The following ADARB1 variants were observed in gnomAD, a reference collection of about 807,000 sequenced individuals.
ADARB1 encodes double-stranded RNA-specific editase 1.
A neutral mutation model predicts 52.4 loss-of-function variants in ADARB1; 10 were observed. The observed-to-expected ratio is 0.19, with a 90% CI of 0.12 to 0.32. The LOEUF (loss-of-function observed/expected upper bound fraction) is 0.32. Among genes scored for constraint, ADARB1 ranks in the 10% least tolerant of loss-of-function variants. The pLI is 1.00. For synonymous variants in ADARB1, 349 were observed against 371.1 expected, an observed-to-expected ratio of 0.94 and a Z score of 0.68; for missense variants, 643 against 922.3, an observed-to-expected ratio of 0.70 and a Z score of 3.92.
intron 2 of ADARB1, among the ~76,000 whole-genome samples, chr21:45,131,194 G>A (rs2088909986): frequency 6.6e-6 from 1 of 152,186 alleles, no homozygotes; most frequent in Admixed American, 6.5e-5. Flanking sequence ...TTTAGGCACT[G>A]CTGCTTTCAC....
intron 8 of ADARB1, among the ~76,000 whole-genome samples, chr21:45,193,490 T>G (rs2092351666): frequency 9.0e-6 from 1 of 110,794 alleles, no homozygotes; most frequent in Non-Finnish European, 2.1e-5. Flanking sequence ...AAAACAAGAT[T>G]GTCTGCTCTC....
At chr21:45,163,536 C>T (rs2091090591) in intron 2 of ADARB1, among the ~76,000 whole-genome samples, 1 of 152,308 alleles carries the variant, frequency 6.6e-6, no homozygotes, top group Non-Finnish European at 1.5e-5. Context: ...AATCTCCCCC[C>T]CACCTCCACC....
intron 8 of ADARB1, among the ~76,000 whole-genome samples, chr21:45,203,404 T>A (rs932636167): frequency 6.6e-6 from 1 of 152,184 alleles, no homozygotes; most frequent in Non-Finnish European, 1.5e-5. Flanking sequence ...TTACCTCAAT[T>A]TATAGTTCTT....
intron 1 of ADARB1, among the ~76,000 whole-genome samples, chr21:45,094,735 A>G (rs73230667): frequency 0.028 from 4,181 of 151,856 alleles, 55 homozygotes; most frequent in South Asian, 0.053. Flanking sequence ...TGTTGAGGGG[A>G]GAGAGGGGGG....
chr21:45,215,040 A>AT (rs1334474126), intron 9 of ADARB1, among the ~76,000 whole-genome samples: 1 of 151,904 alleles, frequency 6.6e-6, no homozygotes, highest in Non-Finnish European at 1.5e-5. Flanking sequence ...TGGCTGTAGG[A>AT]TTTTTTATTG....
At chr21:45,174,774 G>C (rs1019323746) in intron 3 of ADARB1, among the ~76,000 whole-genome samples, 1 of 151,862 alleles carries the variant, frequency 6.6e-6, no homozygotes, top group African/African-American at 2.4e-5. Context: ...TGTTTATTTT[G>C]CCATGTAATT....
intron 1 of ADARB1, chr21:45,121,068 ATAGT>A (rs1195440935): frequency 6.6e-6 from 1 of 152,130 alleles, no homozygotes; most frequent in Non-Finnish European, 1.5e-5. Flanking sequence ...AAAGCCGCTG[ATAGT>A]TCATGTCTGG....
At chr21:45,156,568 C>T (rs1226001968) in intron 2 of ADARB1, among the ~76,000 whole-genome samples, 2 of 142,712 alleles carry the variant, frequency 1.4e-5, no homozygotes, top group Non-Finnish European at 3.1e-5. Flanking sequence ...TCCACCCATG[C>T]ACCCACTCAT....
chr21:45,183,003 A>G (rs570115826), intron 6 of ADARB1, among the ~76,000 whole-genome samples: 31 of 152,342 alleles, frequency 2.0e-4, no homozygotes, highest in African/African-American at 6.7e-4. Context: ...ATTTTGTTGT[A>G]TGCTGTATAA....
intron 1 of ADARB1, among the ~76,000 whole-genome samples, chr21:45,113,263 T>C (rs1328188650): frequency 6.6e-6 from 1 of 151,756 alleles, no homozygotes; most frequent in Non-Finnish European, 1.5e-5. Flanking sequence ...TCTCTACTAA[T>C]AATACAAAAA....
intron 2 of ADARB1, among the ~76,000 whole-genome samples, chr21:45,160,486 T>C (rs1469041362): frequency 6.6e-6 from 1 of 152,264 alleles, no homozygotes; most frequent in East Asian, 1.9e-4. Flanking sequence ...TTTGTTCCCT[T>C]AGAGTTGCCC....
At chr21:45,082,698 TTAATC>T (rs2086199346) in intron 1 of ADARB1, among the ~76,000 whole-genome samples, 2 of 152,198 alleles carry the variant, frequency 1.3e-5, no homozygotes, top group African/African-American at 2.4e-5. Flanking sequence ...TAAAGTGAGT[TTAATC>T]TAGTTTAATC....
chr21:45,191,083 C>G (rs1054237902), intron 8 of ADARB1, among the ~76,000 whole-genome samples: 4 of 152,194 alleles, frequency 2.6e-5, no homozygotes, highest in African/African-American at 9.6e-5. Flanking sequence ...CTCAGGGTCT[C>G]TATGGGGGAA....
intron 2 of ADARB1, among the ~76,000 whole-genome samples, chr21:45,151,453 A>G (rs1238311523): frequency 4.6e-5 from 7 of 152,246 alleles, no homozygotes; most frequent in Non-Finnish European, 8.8e-5. Flanking sequence ...TACACGAGAC[A>G]GTAATTGCAT....
chr21:45,208,577 GAA>G lies in ADARB1; in HGVS notation c.1747+3842_1747+3843del, dbSNP rs1239872262. On this transcript the variant is annotated intron_variant, in intron 9 of 10. Transcript: ENST00000348831. This position sits in a 1 kb window ranked among gnomAD's most constrained non-coding sequence, Gnocchi z 5.6. ...ATGAGGCCCTGGCTGGAGTGAGAGA[GAA>G]GGAACATCACTGTGAGAGTGTGGAA... Among the ~76,000 whole-genome samples the G allele has an allele frequency of 2.0e-5, 3 of 152,202 alleles. No individual in the cohort carries two copies. The highest frequency in any genetic ancestry group is 3.9e-4 in the East Asian group (2 of 5,176).
At chr21:45,075,151 G>C (rs879343269) in intron 1 of ADARB1, among the ~76,000 whole-genome samples, 3 of 151,236 alleles carry the variant, frequency 2.0e-5, no homozygotes, top group African/African-American at 7.3e-5. Flanking sequence ...TTTGGGGAGG[G>C]GACGGTGTGC....
chr21:45,211,065 G>A (rs2092759410), intron 9 of ADARB1, among the ~76,000 whole-genome samples: 1 of 152,232 alleles, frequency 6.6e-6, no homozygotes, highest in East Asian at 1.9e-4. Flanking sequence ...CACCTGGCTG[G>A]GGTTAGTGGA....
intron 8 of ADARB1, among the ~76,000 whole-genome samples, chr21:45,192,095 G>C (rs2092316888): frequency 6.6e-6 from 1 of 151,774 alleles, no homozygotes; most frequent in Non-Finnish European, 1.5e-5. Context: ...AAATAAGCCA[G>C]TCGATTGTGG....
chr21:45,189,732 TG>T (rs1312537521), intron 8 of ADARB1, among the ~76,000 whole-genome samples: 11 of 151,194 alleles, frequency 7.3e-5, no homozygotes, highest in South Asian at 2.1e-4. Context: ...TTGACAGGGT[TG>T]TTTTTTTTTT....
Sources: gnomAD v4.1 joint callset for allele counts (sites outside exome capture counted in the v4.1 genomes callset) on GRCh38, gnomAD v4.1.1 for gene constraint, Gnocchi (gnomAD v3.1) non-coding constraint, MANE v1.5 for transcripts, NCBI Gene and HGNC (gene_info 2026-07-23, HGNC 2026-07-21) for gene names.